SUMF1: variants seen among roughly 807,000 people sequenced by gnomAD.
SUMF1 encodes formylglycine-generating enzyme.
SUMF1 carries 48 observed loss-of-function variants against 47.6 expected under a neutral mutation model. The observed-to-expected ratio is 1.01, with a 90% confidence interval of 0.80 to 1.28. The LOEUF (loss-of-function observed/expected upper bound fraction) is 1.28. SUMF1 is among the 50% of genes most tolerant of loss of function. The pLI is 0.00. For missense variants in SUMF1, 571 were observed against 485.4 expected, an observed-to-expected ratio of 1.18 and a Z score of -1.66; for synonymous variants, 230 against 192.1, an observed-to-expected ratio of 1.20 and a Z score of -1.63.
At chr3:4,262,030 T>C (rs1045138046) in intron 8 of SUMF1, among the ~76,000 whole-genome samples, 7 of 152,154 alleles carry the variant, frequency 4.6e-5, no homozygotes, top group African/African-American at 1.7e-4. Flanking sequence ...CCTCTTCTTT[T>C]CAAAATGGCC....
chr3:4,371,578 C>G (rs769453804), intron 8 of SUMF1, among the ~76,000 whole-genome samples: 9 of 152,158 alleles, frequency 5.9e-5, no homozygotes, highest in Non-Finnish European at 1.2e-4. Context: ...AACACTAGAC[C>G]AACTCCTTTT....
intron 9 of SUMF1, among the ~76,000 whole-genome samples, chr3:4,045,667 T>G (rs1344417356): frequency 6.6e-6 from 1 of 152,106 alleles, no homozygotes; most frequent in Non-Finnish European, 1.5e-5. Flanking sequence ...AGATTCTGCA[T>G]ATCTGTTACA....
chr3:4,323,133 G>T (rs574948893), intron 8 of SUMF1, among the ~76,000 whole-genome samples: 20 of 152,128 alleles, frequency 1.3e-4, no homozygotes, highest in Non-Finnish European at 2.4e-4. Flanking sequence ...ATTAGCTGAT[G>T]GATGAATAAA....
rs1250829612 is a variant in SUMF1 at position 4,467,261 on chromosome 3, A to G, written c.-16T>C. 2 of 1,604,218 alleles carry G rather than the reference A, an allele frequency of 1.2e-6. No individual in the cohort carries two copies. The highest frequency in any genetic ancestry group is 1.7e-6 in the Non-Finnish European group (2 of 1,176,058). ...GCGCAGCCATGTTGTCCCGCGGGCC[A>G]TGTGACCCGGTTGGTCACGTGGCTG... is the stretch of plus-strand genomic sequence containing the variant. On this transcript the variant is annotated 5_prime_UTR_variant, in exon 1 of 9. The change abolishes an upstream ATG in the 5' untranslated region. Coordinates refer to ENST00000272902, the MANE Select transcript of SUMF1 (RefSeq NM_182760.4).
At chr3:4,095,756 T>A (rs7619514) in intron 8 of SUMF1, among the ~76,000 whole-genome samples, 16,673 of 152,050 alleles carry the variant, frequency 0.11, 1,753 homozygotes, top group African/African-American at 0.25. Flanking sequence ...AAAATGAATA[T>A]AAAGCTGGTC....
intron 9 of SUMF1, among the ~76,000 whole-genome samples, chr3:4,048,754 A>G (rs191461791): frequency 2.0e-5 from 3 of 152,346 alleles, no homozygotes; most frequent in African/African-American, 7.2e-5. Flanking sequence ...ATAAATGCAC[A>G]AACCATGTAC....
chr3:4,406,258 T>C (rs1701372598), intron 7 of SUMF1, among the ~76,000 whole-genome samples: 3 of 152,232 alleles, frequency 2.0e-5, no homozygotes, highest in Admixed American at 1.3e-4. Flanking sequence ...TTCTAATTTG[T>C]AGACAAGGAA....
intron 9 of SUMF1, among the ~76,000 whole-genome samples, chr3:4,064,392 T>C (rs971368668): frequency 3.3e-5 from 5 of 152,120 alleles, no homozygotes; most frequent in African/African-American, 9.7e-5. Flanking sequence ...CCATATATGG[T>C]CTAAAAGGGG....
intron 8 of SUMF1, among the ~76,000 whole-genome samples, chr3:4,306,968 G>T (rs1698213319): frequency 6.6e-6 from 1 of 152,202 alleles, no homozygotes; most frequent in South Asian, 2.1e-4. Flanking sequence ...TCAGGTCTCT[G>T]AAACCAGCTT....
chr3:4,342,259 G>A (rs899908151), intron 8 of SUMF1, among the ~76,000 whole-genome samples: 5 of 152,162 alleles, frequency 3.3e-5, no homozygotes, highest in African/African-American at 7.2e-5. Flanking sequence ...TTGGCCAGGC[G>A]CAGTGGCTCA....
At chr3:4,171,555 C>T in intron 8 of SUMF1, among the ~76,000 whole-genome samples, 1 of 152,104 alleles carries the variant, frequency 6.6e-6, no homozygotes, top group Non-Finnish European at 1.5e-5. Context: ...TGCCTGGACA[C>T]TGAAATACAA....
At chr3:4,315,098 G>C (rs1355152038) in intron 8 of SUMF1, among the ~76,000 whole-genome samples, 3 of 152,100 alleles carry the variant, frequency 2.0e-5, no homozygotes, top group Admixed American at 2.0e-4. Flanking sequence ...AATGGTACTA[G>C]AGTACACATA....
chr3:4,207,204 G>T (rs1364341067), intron 8 of SUMF1, among the ~76,000 whole-genome samples: 2 of 151,944 alleles, frequency 1.3e-5, no homozygotes, highest in Non-Finnish European at 2.9e-5. Flanking sequence ...TTTACCTTAT[G>T]ACCTTGTTAA....
intron 8 of SUMF1, among the ~76,000 whole-genome samples, chr3:4,193,564 T>C (rs1369197640): frequency 1.3e-5 from 2 of 152,128 alleles, no homozygotes; most frequent in Non-Finnish European, 1.5e-5. Flanking sequence ...AGCATCAGAA[T>C]TGTATTACAG....
At chr3:4,281,557 G>A (rs1160279623) in intron 8 of SUMF1, among the ~76,000 whole-genome samples, 1 of 152,158 alleles carries the variant, frequency 6.6e-6, no homozygotes, top group Non-Finnish European at 1.5e-5. Context: ...CCAGCGCTCT[G>A]AGACTTGCCT....
At chr3:4,131,284 A>G (rs1424994527) in intron 8 of SUMF1, among the ~76,000 whole-genome samples, 1 of 152,074 alleles carries the variant, frequency 6.6e-6, no homozygotes, top group Non-Finnish European at 1.5e-5. Flanking sequence ...TTACATAAGG[A>G]ATTGGCTCAA....
intron 8 of SUMF1, among the ~76,000 whole-genome samples, chr3:4,374,716 T>C (rs575895217): frequency 7.2e-5 from 11 of 152,174 alleles, no homozygotes; most frequent in Non-Finnish European, 4.4e-5. Context: ...CTGTTTTCCA[T>C]GGAAGTCTGG....
rs576081063 is a variant in SUMF1 at position 4,431,309 on chromosome 3, T to G, written c.520-11163A>C. ...GATTGATCCCCATCCTTCACTAATT[T>G]TACATATACCTACCCTTTCCTAATT... On this transcript the variant is annotated intron_variant, in intron 3 of 8. Coordinates refer to ENST00000272902, the MANE Select transcript of SUMF1 (RefSeq NM_182760.4). 2.0e-5 allele frequency among the ~76,000 whole-genome samples: 3 copies of G among 152,334 alleles called. No homozygotes were observed. In the South Asian group the frequency reaches 6.2e-4, roughly 32 times the overall value.
At chr3:4,413,266 G>A (rs530120266) in intron 6 of SUMF1, among the ~76,000 whole-genome samples, 37 of 152,088 alleles carry the variant, frequency 2.4e-4, no homozygotes, top group Non-Finnish European at 4.3e-4. Flanking sequence ...TCAGCCTTCC[G>A]AAGTGCTGGG....
Sources: allele counts gnomAD v4.1 joint callset (sites outside exome capture counted in the v4.1 genomes callset), GRCh38; gene constraint gnomAD v4.1.1; transcripts MANE v1.5; gene names NCBI Gene and HGNC (gene_info 2026-07-23, HGNC 2026-07-21).